Variants in CC2D2A observed in about 807,000 individuals in gnomAD.
CC2D2A encodes coiled-coil and C2 domain containing 2A, also known as coiled-coil and C2 domain-containing protein 2A.
CC2D2A carries 155 observed loss-of-function variants against 212.9 expected under a neutral mutation model. The ratio of observed to expected loss-of-function variants is 0.73; its 90% CI spans 0.64 to 0.83. CC2D2A has a LOEUF of 0.83. Among genes scored for constraint, CC2D2A ranks in the 40% least tolerant of loss-of-function variants. The probability of loss-of-function intolerance (pLI) is 0.00; values close to 1 mark genes in which losing one functional copy is unlikely to be tolerated. For missense variants in CC2D2A, 1,856 were observed against 1,956.2 expected, an observed-to-expected ratio of 0.95 and a Z score of 0.97; for synonymous variants, 667 against 686.5, an observed-to-expected ratio of 0.97 and a Z score of 0.44.
chr4:15,485,048 C>T (rs900411464), intron 4 of CC2D2A, among the ~76,000 whole-genome samples: 1 of 152,216 alleles, frequency 6.6e-6, no homozygotes, highest in Non-Finnish European at 1.5e-5. Context: ...ACTTTGTCTG[C>T]TGTATTCATT....
chr4:15,512,985 A>G (rs1716659470), intron 8 of CC2D2A, among the ~76,000 whole-genome samples: 1 of 151,920 alleles, frequency 6.6e-6, no homozygotes, highest in Non-Finnish European at 1.5e-5. Flanking sequence ...GGTGGACTTC[A>G]TGTTATATAT....
At position 15,589,567 on chromosome 4, in the gene CC2D2A, C is replaced by G. The variant is rs143947747; in HGVS notation, c.4202C>G (p.Thr1401Ser). ...CAGGGTCCAACTGCCTATGTGCTAA[C>G]TTGGGAGCAAGGTCGTTATTTAATA... ...IPEGPTAYVL[T>S]WEQGRYLIWN... Residue 1401 changes from threonine to serine, a missense_variant, in exon 33 of 37, where the codon ACT becomes AGT. Around this residue, in one of 5 missense-constraint regions of CC2D2A, gnomAD observed 285 missense variants for 278.4 expected, o/e 1.02. Transcript: ENST00000424120. 1.4e-3 allele frequency: 2,189 copies of G among 1,612,442 alleles called. 19 individuals are homozygous for G. The highest frequency in any genetic ancestry group is 0.013 in the East Asian group (591 of 44,804).
At chr4:15,478,968 C>G (rs1714429746) in intron 3 of CC2D2A, among the ~76,000 whole-genome samples, 162 bp downstream of exon 3, 2 of 152,106 alleles carry the variant, frequency 1.3e-5, no homozygotes, top group Admixed American at 6.5e-5. Context: ...ATGGGTGGTC[C>G]AGGGTGCAGG....
intron 1 of CC2D2A, among the ~76,000 whole-genome samples, chr4:15,470,526 ATTGT>A (rs1560382678): frequency 6.6e-6 from 1 of 152,080 alleles, no homozygotes; most frequent in African/African-American, 2.4e-5. Context: ...ACTTAAGCTG[ATTGT>A]TTGTTTCCCT....
intron 6 of CC2D2A, among the ~76,000 whole-genome samples, chr4:15,505,085 G>A (rs36012186): frequency 0.13 from 19,222 of 152,110 alleles, 1,346 homozygotes; most frequent in African/African-American, 0.18. Flanking sequence ...GTGAATACAT[G>A]TTACAGTGTT....
In CC2D2A at chr4:15,563,486, G is replaced by A. The variant is rs1192970855; in HGVS notation, c.3146G>A (p.Arg1049Gln). ...ATAAAGCTGCTGGTGAACATTGTGC[G>A]AGCTTACGACATTCCAGTGAGGAAG... Reference protein sequence around the residue: ...GDIKLLVNIVRAYDIPVRKPA... With the variant: ...GDIKLLVNIVQAYDIPVRKPA... Residue 1049 changes from arginine to glutamine, a missense_variant, in exon 24 of 37, where the codon CGA (arginine) becomes CAA (glutamine). Physicochemically the swap from Arg to Gln is conservative, Grantham distance 43. Around this residue, in one of 5 missense-constraint regions of CC2D2A, gnomAD observed 1,512 missense variants for 1,579.3 expected, o/e 0.96. Transcript: ENST00000424120. 2.5e-5 allele frequency: 41 copies of A among 1,612,310 alleles called. No individual in the cohort carries two copies. Among genetic ancestry groups the A allele is most frequent in the Middle Eastern group, 1.6e-4 (1 of 6,076 alleles).
intron 4 of CC2D2A, among the ~76,000 whole-genome samples, chr4:15,493,971 C>T (rs754005976): frequency 1.4e-4 from 22 of 152,164 alleles, no homozygotes; most frequent in Non-Finnish European, 3.1e-4. Context: ...TCATGAAGCT[C>T]GTTCTGAGAC....
chr4:15,563,862 G>A (rs2109065814), intron 24 of CC2D2A: 1 of 233,868 alleles, frequency 4.3e-6, no homozygotes, highest in South Asian at 7.6e-5. Context: ...TGTGATGGAA[G>A]TGGCCCATGC....
At chr4:15,547,362 G>C (rs56089642) in intron 17 of CC2D2A, among the ~76,000 whole-genome samples, 2 of 152,006 alleles carry the variant, frequency 1.3e-5, no homozygotes, top group African/African-American at 4.8e-5. Context: ...GTAAGTTATT[G>C]TTAACTATAG....
intron 17 of CC2D2A, among the ~76,000 whole-genome samples, chr4:15,549,628 C>A (rs969339357): frequency 2.0e-5 from 3 of 152,140 alleles, no homozygotes; most frequent in African/African-American, 7.2e-5. Flanking sequence ...CGTGGTGAAA[C>A]GCTGTCTCTA....
At position 15,531,860 on chromosome 4, in the gene CC2D2A, T is replaced by A. The variant is rs187495576; in HGVS notation, c.1467-1333T>A. The stretch of plus-strand genomic sequence containing the variant: ...TAAAATAATTTTATATTGTGGTTTT[T>A]AAAACTGAAGCAGGGGTGATAACAG... On this transcript the variant is annotated intron_variant, in intron 13 of 36. Coordinates refer to ENST00000424120, the MANE Select transcript of CC2D2A (RefSeq NM_001378615.1). Among the ~76,000 whole-genome samples, 299 of 152,278 alleles carry A rather than the reference T, an allele frequency of 2.0e-3. 1 individual carries two copies. The highest frequency in any genetic ancestry group is 3.9e-3 in the Admixed American group (59 of 15,298).
At chr4:15,527,045 G>A (rs1717544777) in intron 11 of CC2D2A, among the ~76,000 whole-genome samples, 1 of 152,166 alleles carries the variant, frequency 6.6e-6, no homozygotes, top group Non-Finnish European at 1.5e-5. Flanking sequence ...CATGGGGTAT[G>A]TCCAGGATCC....
chr4:15,495,297 C>T (rs558927996), intron 4 of CC2D2A, among the ~76,000 whole-genome samples: 4 of 152,176 alleles, frequency 2.6e-5, no homozygotes, highest in South Asian at 2.1e-4. Flanking sequence ...TTACTAGAGA[C>T]GGGGTTTCAC....
chr4:15,557,355 C>T lies in CC2D2A; in HGVS notation c.2677C>T (p.Leu893=). The change falls in exon 21 of 37, where the codon CTG becomes TTG. Residue 893 remains leucine (L), a synonymous_variant. Coordinates refer to ENST00000424120, the MANE Select transcript of CC2D2A (RefSeq NM_001378615.1). The part of the protein sequence containing the change: ...YVPDFFRLEQ[L]QQEFNFVSDQ... ...CCCTGATTTCTTTAGACTGGAGCAGCTGCAACAGGAGTTTAACTTTGTTTC... is the reference window on the plus strand; with the variant it reads ...CCCTGATTTCTTTAGACTGGAGCAGTTGCAACAGGAGTTTAACTTTGTTTC... 6.2e-7 allele frequency: 1 copy of T among 1,613,616 alleles called. No individual in the cohort carries two copies. The highest frequency in any genetic ancestry group is 8.5e-7 in the Non-Finnish European group (1 of 1,179,708).
chr4:15,545,721 G>C (rs1718676023), intron 17 of CC2D2A, among the ~76,000 whole-genome samples: 1 of 151,908 alleles, frequency 6.6e-6, no homozygotes. Context: ...ATGGGAAGAT[G>C]GGAAGAAGGA....
At chr4:15,479,306 C>G (rs772152965) in intron 3 of CC2D2A, 1 of 1,537,072 alleles carries the variant, frequency 6.5e-7, no homozygotes, top group Non-Finnish European at 8.7e-7. Context: ...GGGAGCATCC[C>G]GTGCAGGGTA....
intron 34 of CC2D2A, 69 bp from the exon 35 acceptor site, chr4:15,597,337 AT>A: frequency 3.5e-6 from 4 of 1,135,992 alleles, no homozygotes; most frequent in Non-Finnish European, 1.3e-6. Flanking sequence ...GATTTTTAAG[AT>A]TTTTAAAAGG....
chr4:15,570,325 T>C, intron 27 of CC2D2A, 73 bp from the exon 28 acceptor site: 1 of 914,876 alleles, frequency 1.1e-6, no homozygotes, highest in Non-Finnish European at 1.7e-6. Context: ...ATCTTGCTGC[T>C]TTCCTGCTGC....
intron 11 of CC2D2A, among the ~76,000 whole-genome samples, chr4:15,525,602 C>T (rs887897921): frequency 7.2e-5 from 11 of 152,194 alleles, no homozygotes; most frequent in East Asian, 5.8e-4. Context: ...GAAAGGCCAC[C>T]CAGGGCTTTC....
Sources: allele counts gnomAD v4.1 joint callset (sites outside exome capture counted in the v4.1 genomes callset), GRCh38; gene constraint gnomAD v4.1.1; regional missense constraint gnomAD v4.1.1; transcripts MANE v1.5; gene names NCBI Gene and HGNC (gene_info 2026-07-23, HGNC 2026-07-21).